The following ZNF385B variants were observed in gnomAD, a reference collection of about 807,000 sequenced individuals.
ZNF385B encodes zinc finger protein 385B, also known as zinc finger protein 533.
In ZNF385B, 23 loss-of-function variants were observed where a neutral mutation model predicts 39.2. That is an observed-to-expected ratio of 0.59 (90% CI 0.42 to 0.83). The LOEUF (loss-of-function observed/expected upper bound fraction) is 0.83, where lower values mean the gene tolerates loss of function less well. Among genes scored for constraint, ZNF385B ranks in the 40% least tolerant of loss-of-function variants. The probability of loss-of-function intolerance (pLI) is 0.00; values close to 1 mark genes in which losing one functional copy is unlikely to be tolerated. For synonymous variants in ZNF385B, 205 were observed against 222.6 expected (o/e 0.92, Z 0.70); for missense variants, 552 against 598.9 (o/e 0.92, Z 0.82).
At chr2:179,770,282 G>A (rs946130144) in intron 2 of ZNF385B, among the ~76,000 whole-genome samples, 1 of 152,108 alleles carries the variant, frequency 6.6e-6, no homozygotes, top group African/African-American at 2.4e-5. Context: ...GCTCTATGAG[G>A]ACAGTCACCT....
chr2:179,784,289 G>A lies in ZNF385B; in HGVS notation c.-154-13617C>T, dbSNP rs564739342. On this transcript the variant is annotated intron_variant, in intron 1 of 9. Coordinates refer to ENST00000410066, the MANE Select transcript of ZNF385B (RefSeq NM_152520.6). ...GATAAGAACTTGTGAACACAAACAA[G>A]GAAACAGCAGACACTCGGGTCTACT... 5.3e-5 allele frequency among the ~76,000 whole-genome samples: 8 copies of A among 152,024 alleles called. 1 individual carries two copies. The highest frequency in any genetic ancestry group is 5.3e-4 in the Admixed American group (8 of 15,224).
At position 179,797,213 on chromosome 2, in the gene ZNF385B, GT is replaced by G. The variant is rs369908125; in HGVS notation, c.-154-26542del. Among the ~76,000 whole-genome samples the G allele has an allele frequency of 4.8e-3, 731 of 152,144 alleles. 4 individuals carry two copies. Among genetic ancestry groups the G allele is most frequent in the African/African-American group, 0.016 (665 of 41,520 alleles). On this transcript the variant is annotated intron_variant, in intron 1 of 9. Transcript: ENST00000410066. ...AAAATTTAAAACCTACACAAAAGTA[GT>G]AAAAATAGTATAGTTCACTCCCAAT...
intron 3 of ZNF385B, among the ~76,000 whole-genome samples, chr2:179,715,784 TAA>T (rs1260807267): frequency 2.6e-5 from 4 of 152,128 alleles, no homozygotes; most frequent in Admixed American, 1.3e-4. Context: ...AAATAAATAT[TAA>T]GTTTTACTTT....
intron 6 of ZNF385B, among the ~76,000 whole-genome samples, chr2:179,451,017 A>C (rs965201778): frequency 1.3e-5 from 2 of 148,944 alleles, no homozygotes; most frequent in Admixed American, 6.8e-5. Flanking sequence ...ACCAAACACC[A>C]CATGTTCTCA....
At chr2:179,781,908 A>G (rs1704688251) in intron 1 of ZNF385B, among the ~76,000 whole-genome samples, 1 of 152,172 alleles carries the variant, frequency 6.6e-6, no homozygotes, top group Admixed American at 6.6e-5. Flanking sequence ...ATATACAAAG[A>G]AGAGCTGGTA....
intron 5 of ZNF385B, among the ~76,000 whole-genome samples, chr2:179,512,400 T>A (rs2057751644): frequency 6.6e-6 from 1 of 152,170 alleles, no homozygotes; most frequent in Non-Finnish European, 1.5e-5. Context: ...TCTGCTACTA[T>A]CCTCCAAGGA....
chr2:179,671,061 G>A (rs975979672), intron 3 of ZNF385B, among the ~76,000 whole-genome samples: 2 of 152,230 alleles, frequency 1.3e-5, no homozygotes, highest in African/African-American at 4.8e-5. Context: ...ACTTGCAACA[G>A]TGACTGGCAC....
chr2:179,739,725 A>G (rs764787013), intron 3 of ZNF385B, among the ~76,000 whole-genome samples: 59 of 152,190 alleles, frequency 3.9e-4, no homozygotes, highest in Non-Finnish European at 7.1e-4. Context: ...GCTTAATCAA[A>G]CTTTTGGTTA....
chr2:179,745,300 T>A (rs1252394572), intron 3 of ZNF385B, among the ~76,000 whole-genome samples: 1 of 152,114 alleles, frequency 6.6e-6, no homozygotes, highest in Admixed American at 6.6e-5. Context: ...CTCCTATCTG[T>A]CTTTCATGTC....
intron 1 of ZNF385B, among the ~76,000 whole-genome samples, chr2:179,806,765 A>C (rs1706377768): frequency 2.0e-5 from 3 of 152,182 alleles, no homozygotes; most frequent in South Asian, 2.1e-4. Flanking sequence ...ATTTAAAACC[A>C]AGTTATCTGG....
chr2:179,676,290 G>A lies in ZNF385B; in HGVS notation c.298+93213C>T, dbSNP rs1227586698. Reference sequence around the variant, plus strand: ...TTTTTAGTAGAGATGGGGTTTCACCGTGTTAGCCAGGATGGTCTCGATCTC... The same window carrying A: ...TTTTTAGTAGAGATGGGGTTTCACCATGTTAGCCAGGATGGTCTCGATCTC... On this transcript the variant is annotated intron_variant, in intron 3 of 9. Transcript: ENST00000410066. Among the ~76,000 whole-genome samples, 6 of 151,530 alleles carry A rather than the reference G, an allele frequency of 4.0e-5. No individual in the cohort carries two copies. The East Asian group carries it at 5.9e-4, about 15-fold the overall frequency.
intron 4 of ZNF385B, among the ~76,000 whole-genome samples, chr2:179,527,650 T>C (rs1260737478): frequency 6.6e-6 from 1 of 152,170 alleles, no homozygotes; most frequent in Non-Finnish European, 1.5e-5. Context: ...AAGGGTTTCA[T>C]ATCAACTTTA....
intron 3 of ZNF385B, among the ~76,000 whole-genome samples, chr2:179,741,409 G>C (rs1402875825): frequency 6.6e-6 from 1 of 152,096 alleles, no homozygotes; most frequent in Admixed American, 6.6e-5. Flanking sequence ...TGAGAAAAGA[G>C]AAGAAAGGTA....
intron 3 of ZNF385B, among the ~76,000 whole-genome samples, chr2:179,734,780 C>T (rs562059174): frequency 2.2e-4 from 34 of 152,146 alleles, no homozygotes; most frequent in African/African-American, 7.2e-4. Flanking sequence ...TGTATACTGC[C>T]TGAGTGTAAA....
chr2:179,668,167 T>C (rs1484668737), intron 3 of ZNF385B, among the ~76,000 whole-genome samples: 1 of 152,226 alleles, frequency 6.6e-6, no homozygotes, highest in Non-Finnish European at 1.5e-5. Flanking sequence ...CCATGATATT[T>C]AATAATTTCT....
Position 179,659,590 on chromosome 2 carries a change from T to C in ZNF385B, c.298+109913A>G, listed in dbSNP as rs551529889. ...TATACAGCATATTAAAATTTTACCT[T>C]TTCATTGTTCCACTACTTGAAACTA... On this transcript the variant is annotated intron_variant, in intron 3 of 9. Coordinates refer to ENST00000410066, the MANE Select transcript of ZNF385B (RefSeq NM_152520.6). 5.3e-5 allele frequency among the ~76,000 whole-genome samples: 8 copies of C among 152,186 alleles called. No homozygotes were observed. The East Asian group carries it at 1.5e-3, about 29-fold the overall frequency.
chr2:179,785,348 C>T (rs765030444), intron 1 of ZNF385B, among the ~76,000 whole-genome samples: 2 of 152,010 alleles, frequency 1.3e-5, no homozygotes, highest in Non-Finnish European at 2.9e-5. Context: ...TGGATATAAA[C>T]TATACTTCAA....
At position 179,837,583 on chromosome 2, in the gene ZNF385B, C is replaced by T. The variant is rs1028351493; in HGVS notation, c.-155+23518G>A. Among the ~76,000 whole-genome samples, 7 of 152,188 alleles carry T rather than the reference C, an allele frequency of 4.6e-5. No homozygotes were observed. In the South Asian group the frequency reaches 1.2e-3, roughly 27 times the overall value. Reference sequence around the variant, plus strand: ...GTCAGCAACTGTTTTGAAAGCAAAGCCTGAAGAGACAGCTGACTCACCGTG... The same window carrying T: ...GTCAGCAACTGTTTTGAAAGCAAAGTCTGAAGAGACAGCTGACTCACCGTG... On this transcript the variant is annotated intron_variant, in intron 1 of 9. Coordinates refer to ENST00000410066, the MANE Select transcript of ZNF385B (RefSeq NM_152520.6).
chr2:179,581,494 T>A (rs1176132870), intron 3 of ZNF385B, among the ~76,000 whole-genome samples: 2 of 152,210 alleles, frequency 1.3e-5, no homozygotes, highest in Non-Finnish European at 2.9e-5. Context: ...TCTGAGTGAT[T>A]TAAAAGTCAT....
Sources: allele counts gnomAD v4.1 joint callset (sites outside exome capture counted in the v4.1 genomes callset), GRCh38; gene constraint gnomAD v4.1.1; transcripts MANE v1.5; gene names NCBI Gene and HGNC (gene_info 2026-07-23, HGNC 2026-07-21).